NLRX1: variants seen among roughly 807,000 people sequenced by gnomAD.
NLRX1 encodes the protein NOD-like receptor X1.
In NLRX1, 67 loss-of-function variants were observed where a neutral mutation model predicts 74.2. The ratio of observed to expected loss-of-function variants is 0.90; its 90% confidence interval spans 0.74 to 1.11. The LOEUF is 1.11. Among genes scored for constraint, NLRX1 ranks in the 50% least tolerant of loss-of-function variants. The probability of loss-of-function intolerance (pLI) is 0.00; values close to 1 mark genes in which losing one functional copy is unlikely to be tolerated. For missense variants in NLRX1, 1,191 were observed against 1,305.4 expected (o/e 0.91, Z 1.35); for synonymous variants, 506 against 559.1 (o/e 0.91, Z 1.34).
rs779766987 is a variant in NLRX1 at position 119,181,259 on chromosome 11, T to A, written c.2354+2T>A. ...CCAGTGCCAAATTACCACACTGCGG[T>A]GAGTGACCTGGGAGTGGGGCATCCT... On this transcript the variant is annotated splice_donor_variant, in intron 8 of 9. Transcript: ENST00000409109. LOFTEE classifies it high-confidence loss of function. 6.2e-7 allele frequency: 1 copy of A among 1,611,138 alleles called. No homozygotes were observed. The highest frequency in any genetic ancestry group is 1.7e-5 in the Admixed American group (1 of 59,760).
chr11:119,183,731 A>C lies in NLRX1; in HGVS notation c.*292A>C. On this transcript the variant is annotated 3_prime_UTR_variant, in exon 10 of 10. Coordinates refer to ENST00000409109, the MANE Select transcript of NLRX1 (RefSeq NM_001282144.2). This position sits in a 1 kb window ranked among gnomAD's most constrained non-coding sequence, Gnocchi z 5.7. ...GCATTTGGATGGCCAGAGTGCCCTG[A>C]AGCACCACTACCAACCTTGCCTCCC... 1 of 776,108 alleles carries C rather than the reference A, an allele frequency of 1.3e-6. No homozygotes were observed. The highest frequency in any genetic ancestry group is 1.4e-5 in the South Asian group (1 of 74,018). The allele number at this position is 776,108 out of a possible 1,614,324, so 48.1% of individuals were successfully genotyped here. A position where few individuals can be genotyped will look rare whatever the true frequency, so the allele number is the denominator to read the frequency against.
At chr11:119,171,795 C>CAAA in intron 2 of NLRX1, among the ~76,000 whole-genome samples, 1 of 146,002 alleles carries the variant, frequency 6.8e-6, no homozygotes, top group South Asian at 2.2e-4. Flanking sequence ...ATTAAAACTA[C>CAAA]AAAAAAAAAA....
chr11:119,172,421 C>A lies in NLRX1; in HGVS notation c.136C>A (p.Pro46Thr). 6.2e-7 allele frequency: 1 copy of A among 1,611,502 alleles called. No individual in the cohort carries two copies. The highest frequency in any genetic ancestry group is 8.5e-7 in the Non-Finnish European group (1 of 1,177,644). Residue 46 changes from proline to threonine, a missense_variant, in exon 3 of 10, where the codon CCT (proline) becomes ACT (threonine). Coordinates refer to ENST00000409109, the MANE Select transcript of NLRX1 (RefSeq NM_001282144.2). ...PLQGERPFGPPRAFIRHHGSS... is the reference protein window; with the variant it reads ...PLQGERPFGPTRAFIRHHGSS... ...TCAAGGGGAGCGTCCCTTTGGGCCC[C>A]CTAGGTGAGGCCTGGGTGTCATACC... is the stretch of plus-strand genomic sequence containing the variant.
In NLRX1 at chr11:119,170,168, A is replaced by G. The variant is rs34996974; in HGVS notation, c.-49+866A>G. The stretch of plus-strand genomic sequence containing the variant: ...CAGGCTGGGACAAACTCAGAAAAAT[A>G]GCTTGTGGGAGCCCAGTGTTTGGAC... On this transcript the variant is annotated intron_variant, in intron 1 of 9. Coordinates refer to ENST00000409109, the MANE Select transcript of NLRX1 (RefSeq NM_001282144.2). 7.0e-3 allele frequency among the ~76,000 whole-genome samples: 1,062 copies of G among 152,240 alleles called. 7 individuals are homozygous for G. Among genetic ancestry groups the G allele is most frequent in the Non-Finnish European group, 0.011 (720 of 68,012 alleles).
intron 6 of NLRX1, among the ~76,000 whole-genome samples, chr11:119,178,896 G>A (rs977637450): frequency 6.6e-6 from 1 of 152,038 alleles, no homozygotes; most frequent in African/African-American, 2.4e-5. Context: ...CATTGCCCAG[G>A]CTGGTCTAGA....
intron 1 of NLRX1, among the ~76,000 whole-genome samples, chr11:119,170,851 C>T (rs1401007802): frequency 1.3e-5 from 2 of 152,110 alleles, no homozygotes; most frequent in Admixed American, 6.5e-5. Context: ...AGAGGCAAGA[C>T]GTGGCAGGAA....
intron 1 of NLRX1, among the ~76,000 whole-genome samples, chr11:119,169,607 G>T (rs1408853639): frequency 6.6e-6 from 1 of 152,200 alleles, no homozygotes; most frequent in Non-Finnish European, 1.5e-5. Context: ...GAGGAGACCA[G>T]GTGCCAAATA....
In NLRX1 at chr11:119,183,266, C is replaced by T. The variant is rs144288904; in HGVS notation, c.2755C>T (p.Arg919Trp). The T allele has an allele frequency of 1.1e-5, 18 of 1,614,114 alleles. No homozygotes were observed. The highest frequency in any genetic ancestry group is 7.7e-5 in the South Asian group (7 of 91,092). Reference sequence around the variant, plus strand: ...GTCAGTGATCCTCAGTGAAGTCCAGCGGAACCTCAATAGCTGGGATCGGGC... The same window carrying T: ...GTCAGTGATCCTCAGTGAAGTCCAGTGGAACCTCAATAGCTGGGATCGGGC... The part of the protein sequence containing the change: ...YWSVILSEVQ[R>W]NLNSWDRARV... Residue 919 changes from arginine to tryptophan, a missense_variant, in exon 10 of 10, where the codon CGG (arginine) becomes TGG (tryptophan). Coordinates refer to ENST00000409109, the MANE Select transcript of NLRX1 (RefSeq NM_001282144.2). The surrounding 1 kb of genome is among the most constrained non-coding windows in gnomAD (Gnocchi z 5.7).
intron 7 of NLRX1, 115 bp from the exon 8 acceptor site, chr11:119,181,056 C>A (rs1948824425): frequency 2.7e-6 from 2 of 750,468 alleles, no homozygotes; most frequent in Admixed American, 1.9e-5. Context: ...AAAGGGGAAG[C>A]AGGTATAGAT....
intron 3 of NLRX1, 50 bp from the exon 4 acceptor site, chr11:119,172,851 G>A: frequency 2.2e-6 from 3 of 1,367,292 alleles, no homozygotes; most frequent in African/African-American, 1.4e-5. Flanking sequence ...GCCTGTGAAG[G>A]GGCTGATCCA....
intron 1 of NLRX1, among the ~76,000 whole-genome samples, chr11:119,170,000 GAAAAAAAAAAAAAAAAAAAAA>G (rs59630475): frequency 5.0e-5 from 2 of 40,306 alleles, no homozygotes; most frequent in Non-Finnish European, 8.4e-5. Flanking sequence ...CCTGTCTCAG[GAAAAAAAAAAAAAAAAAAAAA>G]AAAAAAAAAA....
In NLRX1 at chr11:119,173,576, C is replaced by T; in HGVS notation, c.327C>T (p.Val109=). The change falls in exon 5 of 10, where the codon GTC becomes GTT. Residue 109 remains valine (V), a synonymous_variant. Coordinates refer to ENST00000409109, the MANE Select transcript of NLRX1 (RefSeq NM_001282144.2). The surrounding 1 kb of genome is among the most constrained non-coding windows in gnomAD (Gnocchi z 4.0). ...QFGPTFALDT[V]HVDPVIREST... The stretch of plus-strand genomic sequence containing the variant: ...GCCCAACCTTTGCCCTAGACACGGT[C>T]CACGTTGACCCTGTGATCCGCGAGA... 1 of 1,614,176 alleles carries T rather than the reference C, an allele frequency of 6.2e-7. No homozygotes were observed. The highest frequency in any genetic ancestry group is 1.1e-5 in the South Asian group (1 of 91,090).
chr11:119,172,910 A>G lies in NLRX1; in HGVS notation c.150A>G (p.Ile50Met), dbSNP rs1158621870. ...CTCTCCTTGTTCCCAGGGCCTTTAT[A>G]CGCCACCACGGAAGCTCGGTAGATA... ...ERPFGPPRAF[I>M]RHHGSSVDSA... The change falls in exon 4 of 10, where the codon ATA becomes ATG. Residue 50 changes from isoleucine (I) to methionine (M), a missense_variant. By Grantham distance (10) the Ile-to-Met change is conservative. Coordinates refer to ENST00000409109, the MANE Select transcript of NLRX1 (RefSeq NM_001282144.2). 5 of 1,613,734 alleles carry G rather than the reference A, an allele frequency of 3.1e-6. No individual in the cohort carries two copies. Among genetic ancestry groups the G allele is most frequent in the Non-Finnish European group, 4.2e-6 (5 of 1,179,788 alleles).
chr11:119,174,084 T>C lies in NLRX1; in HGVS notation c.835T>C (p.Tyr279His), dbSNP rs1948630755. 1 of 1,613,914 alleles carries C rather than the reference T, an allele frequency of 6.2e-7. No individual in the cohort carries two copies. The highest frequency in any genetic ancestry group is 1.7e-4 in the Middle Eastern group (1 of 6,058). The change falls in exon 5 of 10, where the codon TAC (tyrosine) becomes CAC (histidine). Residue 279 changes from tyrosine to histidine, a missense_variant. Tyr to His is a moderately conservative substitution (Grantham distance 83, BLOSUM62 2). Coordinates refer to ENST00000409109, the MANE Select transcript of NLRX1 (RefSeq NM_001282144.2). ...AAIIVNLLRK[Y>H]MLPQASILVT... The stretch of plus-strand genomic sequence containing the variant: ...TATCATCGTCAACCTGCTGCGCAAA[T>C]ACATGCTGCCTCAGGTGGGTGGCCC...
In NLRX1 at chr11:119,180,320, G is replaced by A. The variant is rs73564483; in HGVS notation, c.2267+32G>A. On this transcript the variant is annotated intron_variant, in intron 7 of 9. Coordinates refer to ENST00000409109, the MANE Select transcript of NLRX1 (RefSeq NM_001282144.2). Reference sequence around the variant, plus strand: ...ACCTATCCTCATGCACAGGCATGAAGAGGGAAGAGGGTTGGAGGTGAAGAA... The same window carrying A: ...ACCTATCCTCATGCACAGGCATGAAAAGGGAAGAGGGTTGGAGGTGAAGAA... The A allele has an allele frequency of 3.0e-3, 4,552 of 1,503,438 alleles. 117 individuals carry two copies. The African/African-American group carries it at 0.055, about 18-fold the overall frequency. The allele number at this position is 1,503,438 out of a possible 1,614,324, so 93.1% of individuals were successfully genotyped here.
At chr11:119,182,716 G>A (rs1033569060) in intron 9 of NLRX1, among the ~76,000 whole-genome samples, 3 of 151,886 alleles carry the variant, frequency 2.0e-5, no homozygotes, top group Non-Finnish European at 4.4e-5. Context: ...GTGAAACCCC[G>A]TTTCTACTAA....
rs886255284 is a variant in NLRX1 at position 119,180,363 on chromosome 11, C to T, written c.2267+75C>T. On this transcript the variant is annotated intron_variant, in intron 7 of 9. Coordinates refer to ENST00000409109, the MANE Select transcript of NLRX1 (RefSeq NM_001282144.2). ...GTGAAGAAGTGGGAAAAGAAAGTGC[C>T]AGGGAAACCAGAGGTACCGATGAGT... 5 of 1,238,956 alleles carry T rather than the reference C, an allele frequency of 4.0e-6. No individual in the cohort carries two copies. The African/African-American group carries it at 6.0e-5, about 15-fold the overall frequency. The allele number at this position is 1,238,956 out of a possible 1,614,324, so 76.7% of individuals were successfully genotyped here.
intron 6 of NLRX1, among the ~76,000 whole-genome samples, chr11:119,176,309 G>T (rs1231947988): frequency 6.6e-6 from 1 of 152,168 alleles, no homozygotes; most frequent in Non-Finnish European, 1.5e-5. Flanking sequence ...GTGCAGTGGT[G>T]CAATCATAGC....
At position 119,179,740 on chromosome 11, in the gene NLRX1, G is replaced by A. The variant is rs544746501; in HGVS notation, c.1719G>A (p.Ala573=). The A allele has an allele frequency of 4.5e-5, 72 of 1,611,610 alleles. No individual in the cohort carries two copies. Among genetic ancestry groups the A allele is most frequent in the Non-Finnish European group, 5.6e-5 (66 of 1,178,336 alleles). The change falls in exon 7 of 10, where the codon GCG becomes GCA. Residue 573 remains alanine (A), a synonymous_variant. Transcript: ENST00000409109. ...GCATGGTGGGTAAAAGCCGGGAGGC[G>A]GTGGCTCAGGCCATGGTGCTGGAGA... is the stretch of plus-strand genomic sequence containing the variant. The part of the protein sequence containing the change: ...FGRMVGKSRE[A]VAQAMVLEMF...
Sources: gnomAD v4.1 joint callset for allele counts (sites outside exome capture counted in the v4.1 genomes callset) on GRCh38, gnomAD v4.1.1 for gene constraint, Gnocchi (gnomAD v3.1) non-coding constraint, MANE v1.5 for transcripts, NCBI Gene and HGNC (gene_info 2026-07-23, HGNC 2026-07-21) for gene names.